CPEB1: variants seen among roughly 807,000 people sequenced by gnomAD.
CPEB1 encodes cytoplasmic polyadenylation element binding protein 1.
In CPEB1, 7 loss-of-function variants were observed where a neutral mutation model predicts 65.8. The ratio of observed to expected loss-of-function variants is 0.11; its 90% CI spans 0.06 to 0.20. CPEB1 has a LOEUF of 0.20. CPEB1 is among the 10% of genes least tolerant of loss of function. The pLI is 1.00. For missense variants in CPEB1, 551 were observed against 712.2 expected (o/e 0.77, Z 2.58); for synonymous variants, 262 against 260.0 (o/e 1.01, Z -0.08).
chr15:82,570,682 A>G (rs1398385695), intron 4 of CPEB1, among the ~76,000 whole-genome samples: 5 of 151,602 alleles, frequency 3.3e-5, no homozygotes, highest in South Asian at 2.1e-4. Flanking sequence ...CCTAAAGGGG[A>G]GTGGCTCTTC....
intron 1 of CPEB1, among the ~76,000 whole-genome samples, chr15:82,643,817 T>C (rs1390790642): frequency 1.3e-5 from 2 of 152,142 alleles, no homozygotes; most frequent in Non-Finnish European, 2.9e-5. Flanking sequence ...CAGACTGCTT[T>C]AAAAAAATTT....
At chr15:82,598,712 G>C (rs987187000) in intron 3 of CPEB1, among the ~76,000 whole-genome samples, 1 of 152,126 alleles carries the variant, frequency 6.6e-6, no homozygotes, top group Non-Finnish European at 1.5e-5. Context: ...TTGAACCCAG[G>C]AGGTGGAGGT....
intron 3 of CPEB1, among the ~76,000 whole-genome samples, chr15:82,580,486 C>A (rs2041173617): frequency 6.6e-6 from 1 of 152,118 alleles, no homozygotes; most frequent in African/African-American, 2.4e-5. Flanking sequence ...GTTAAATATG[C>A]AAGGGGTACC....
chr15:82,648,201 A>C (rs587717162), upstream of CPEB1: 16 of 290,846 alleles, frequency 5.5e-5, no homozygotes, highest in East Asian at 8.9e-4. Context: ...CAGAGACCTA[A>C]GCCTGAGCGC....
chr15:82,628,169 T>G lies in CPEB1; in HGVS notation c.96+195A>C, dbSNP rs958274616. On this transcript the variant is annotated intron_variant, in intron 2 of 12. Transcript: ENST00000684509. ...CAATGCCATCATTGTTACAGAAAAATCCATGAAAGCCATCATGCCCAAAAT... is the reference window on the plus strand; with the variant it reads ...CAATGCCATCATTGTTACAGAAAAAGCCATGAAAGCCATCATGCCCAAAAT... The G allele has an allele frequency of 1.3e-5, 9 of 698,714 alleles. No individual in the cohort carries two copies. In the East Asian group the frequency reaches 1.6e-4, roughly 13 times the overall value. 43.3% of individuals were successfully genotyped at this position (698,714 alleles called of 1,614,324 possible).
At chr15:82,634,617 C>T (rs370686712) in intron 1 of CPEB1, among the ~76,000 whole-genome samples, 34 of 152,254 alleles carry the variant, frequency 2.2e-4, no homozygotes, top group African/African-American at 8.2e-4. Flanking sequence ...ACTCAGTCCT[C>T]CAGAGAGAGT....
chr15:82,643,785 G>A (rs1215518132), intron 1 of CPEB1, among the ~76,000 whole-genome samples: 2 of 152,034 alleles, frequency 1.3e-5, no homozygotes, highest in African/African-American at 4.8e-5. Flanking sequence ...TATGCCCCGG[G>A]AGCTTATCTC....
At chr15:82,563,341 T>C (rs554212797) in intron 4 of CPEB1, among the ~76,000 whole-genome samples, 14 of 146,840 alleles carry the variant, frequency 9.5e-5, no homozygotes, top group African/African-American at 3.5e-4. Flanking sequence ...TGAATGTATG[T>C]AAGATCATCT....
chr15:82,647,932 G>C, upstream of CPEB1: 1 of 1,203,598 alleles, frequency 8.3e-7, no homozygotes, highest in Non-Finnish European at 1.0e-6. Context: ...CGAGAGACGC[G>C]CACGCACGTG....
intron 3 of CPEB1, among the ~76,000 whole-genome samples, chr15:82,603,966 A>C (rs555709617): frequency 6.6e-6 from 1 of 152,008 alleles, no homozygotes; most frequent in African/African-American, 2.4e-5. Flanking sequence ...TTCATGGGGG[A>C]AAAAATCACT....
chr15:82,560,734 A>C (rs1210906844), intron 4 of CPEB1, among the ~76,000 whole-genome samples: 2 of 151,576 alleles, frequency 1.3e-5, no homozygotes, highest in African/African-American at 4.9e-5. Flanking sequence ...GGAAAAGGAG[A>C]TCTGCAGAGC....
chr15:82,601,303 G>A (rs1201129479), intron 3 of CPEB1, among the ~76,000 whole-genome samples: 2 of 151,720 alleles, frequency 1.3e-5, no homozygotes, highest in African/African-American at 4.8e-5. Context: ...CACTTTGGGA[G>A]GCCAAGGCGG....
At chr15:82,601,960 C>G (rs2043156831) in intron 3 of CPEB1, among the ~76,000 whole-genome samples, 1 of 151,942 alleles carries the variant, frequency 6.6e-6, no homozygotes, top group South Asian at 2.1e-4. Context: ...ATATATTCCC[C>G]CTGCAAAAAA....
At chr15:82,578,827 TTTTTG>T (rs1279542328) in intron 3 of CPEB1, among the ~76,000 whole-genome samples, 1 of 152,152 alleles carries the variant, frequency 6.6e-6, no homozygotes, top group African/African-American at 2.4e-5. Context: ...ATTACATGTT[TTTTTG>T]TTTTGTTTTG....
intron 9 of CPEB1, among the ~76,000 whole-genome samples, chr15:82,551,310 G>A (rs1308672562): frequency 6.6e-6 from 1 of 152,146 alleles, no homozygotes; most frequent in Non-Finnish European, 1.5e-5. Context: ...TGAGCAGAAA[G>A]TACAGGGATT....
chr15:82,555,324 C>T (rs2037007751), intron 6 of CPEB1, among the ~76,000 whole-genome samples: 1 of 152,188 alleles, frequency 6.6e-6, no homozygotes, highest in East Asian at 1.9e-4. Context: ...AATGTCAGAA[C>T]CTTAAGGATT....
chr15:82,571,884 G>A (rs935786740), intron 3 of CPEB1: 3 of 1,045,548 alleles, frequency 2.9e-6, no homozygotes, highest in Non-Finnish European at 3.5e-6. Flanking sequence ...AGGAGGGGAC[G>A]ACAGGGAGGA....
chr15:82,642,708 G>C (rs761493497), intron 1 of CPEB1, among the ~76,000 whole-genome samples: 1 of 152,120 alleles, frequency 6.6e-6, no homozygotes, highest in Non-Finnish European at 1.5e-5. Context: ...TTAGCCTCAG[G>C]GGCTTTCTGG....
intron 1 of CPEB1, chr15:82,641,572 C>T (rs1284955116): frequency 6.6e-6 from 1 of 152,144 alleles, no homozygotes; most frequent in Non-Finnish European, 1.5e-5. Context: ...CAAGTTACTC[C>T]TAAAATCAAT....
Sources: allele counts gnomAD v4.1 joint callset (sites outside exome capture counted in the v4.1 genomes callset), GRCh38; gene constraint gnomAD v4.1.1; transcripts MANE v1.5; gene names NCBI Gene and HGNC (gene_info 2026-07-23, HGNC 2026-07-21).